Variants in MMS22L observed in about 807,000 individuals in gnomAD.
MMS22L encodes the protein MMS22 like, DNA repair protein.
Under a neutral mutation model 159.1 loss-of-function variants are expected in MMS22L, and 74 were observed. The ratio of observed to expected loss-of-function variants is 0.47; its 90% CI spans 0.39 to 0.56. The LOEUF (loss-of-function observed/expected upper bound fraction) is 0.56, where lower values mean the gene tolerates loss of function less well. MMS22L is among the 20% of genes least tolerant of loss of function. The probability of loss-of-function intolerance (pLI) is 0.00; values close to 1 mark genes in which losing one functional copy is unlikely to be tolerated. For synonymous variants in MMS22L, 517 were observed against 506.9 expected, an observed-to-expected ratio of 1.02 and a Z score of -0.27; for missense variants, 1,351 against 1,422.1, an observed-to-expected ratio of 0.95 and a Z score of 0.80.
At chr6:97,231,823 C>G (rs1163456589) in intron 12 of MMS22L, among the ~76,000 whole-genome samples, 171 bp from the exon 13 acceptor site, 1 of 152,158 alleles carries the variant, frequency 6.6e-6, no homozygotes, top group Non-Finnish European at 1.5e-5. Flanking sequence ...TACAGAGCAT[C>G]AAGAGGTGTC....
At chr6:97,184,594 CTCTT>C (rs1265955510) in intron 15 of MMS22L, among the ~76,000 whole-genome samples, 6 of 152,252 alleles carry the variant, frequency 3.9e-5, no homozygotes, top group Admixed American at 6.5e-5. Flanking sequence ...CTTAATTCCT[CTCTT>C]TATCTATTTG....
chr6:97,247,979 T>C (rs971008550), intron 10 of MMS22L, among the ~76,000 whole-genome samples: 18 of 152,350 alleles, frequency 1.2e-4, no homozygotes, highest in African/African-American at 4.3e-4. Flanking sequence ...ACAGTGAGTA[T>C]GGTAGTCAGC....
At chr6:97,149,008 A>G (rs756995025) in intron 24 of MMS22L, among the ~76,000 whole-genome samples, 1 of 152,200 alleles carries the variant, frequency 6.6e-6, no homozygotes, top group Non-Finnish European at 1.5e-5. Context: ...ATAAGTTACA[A>G]CTGTCTATAG....
At chr6:97,248,814 G>A (rs771438289) in intron 10 of MMS22L, among the ~76,000 whole-genome samples, 6 of 151,652 alleles carry the variant, frequency 4.0e-5, no homozygotes, top group Non-Finnish European at 7.4e-5. Context: ...AGCAGAGATC[G>A]TGCCATTGCA....
intron 4 of MMS22L, among the ~76,000 whole-genome samples, chr6:97,277,042 A>C (rs1816302973): frequency 6.6e-6 from 1 of 152,220 alleles, no homozygotes; most frequent in Non-Finnish European, 1.5e-5. Context: ...AGAAAACAAA[A>C]AATATAAAAC....
At position 97,256,308 on chromosome 6, in the gene MMS22L, A is replaced by G. The variant is rs1380769502; in HGVS notation, c.943-1575T>C. ...AGAACCTTAAAAGAGTAGCTCATTT[A>G]TGTCCTACTCACTTTAGATGGTACT... On this transcript the variant is annotated intron_variant, in intron 9 of 24. Coordinates refer to ENST00000683635, the MANE Select transcript of MMS22L (RefSeq NM_001350599.2). 2.0e-5 allele frequency among the ~76,000 whole-genome samples: 3 copies of G among 152,290 alleles called. No homozygotes were observed. The East Asian group carries it at 5.8e-4, about 29-fold the overall frequency.
At chr6:97,241,800 G>A (rs916748622) in intron 11 of MMS22L, among the ~76,000 whole-genome samples, 1 of 152,038 alleles carries the variant, frequency 6.6e-6, no homozygotes, top group African/African-American at 2.4e-5. Context: ...TTGATAGGTT[G>A]TGTCACTATT....
chr6:97,210,215 CT>C (rs1277111889), intron 14 of MMS22L, among the ~76,000 whole-genome samples: 3 of 151,616 alleles, frequency 2.0e-5, no homozygotes, highest in Non-Finnish European at 4.4e-5. Context: ...GTTCTTGCTC[CT>C]AAAATAAATG....
rs543673363 is a variant in MMS22L at position 97,252,259 on chromosome 6, C to T, written c.1119+2298G>A. On this transcript the variant is annotated intron_variant, in intron 10 of 24. Coordinates refer to ENST00000683635, the MANE Select transcript of MMS22L (RefSeq NM_001350599.2). ...TATCAACTAATATTAAAATATACTA[C>T]GCACTCAAAAAAGTGTTAATACAGT... 5.9e-5 allele frequency among the ~76,000 whole-genome samples: 9 copies of T among 152,140 alleles called. No homozygotes were observed. In the South Asian group the frequency reaches 1.0e-3, roughly 18 times the overall value.
intron 10 of MMS22L, among the ~76,000 whole-genome samples, chr6:97,253,177 C>A (rs755332537): frequency 4.6e-5 from 7 of 152,114 alleles, no homozygotes; most frequent in East Asian, 1.9e-4. Context: ...TCCTACAGGA[C>A]CTTTTATTAT....
intron 14 of MMS22L, among the ~76,000 whole-genome samples, chr6:97,216,549 C>A (rs1371351158): frequency 6.6e-6 from 1 of 152,104 alleles, no homozygotes; most frequent in Non-Finnish European, 1.5e-5. Flanking sequence ...GTGTTTTTAA[C>A]CTATTCCATA....
chr6:97,173,548 T>C (rs921063265), intron 18 of MMS22L, among the ~76,000 whole-genome samples: 1 of 152,118 alleles, frequency 6.6e-6, no homozygotes, highest in Non-Finnish European at 1.5e-5. Context: ...CTAAATCACA[T>C]CATGACTTCC....
chr6:97,205,268 G>A (rs1203046190), intron 14 of MMS22L, among the ~76,000 whole-genome samples: 1 of 151,710 alleles, frequency 6.6e-6, no homozygotes, highest in Admixed American at 6.6e-5. Flanking sequence ...TAAGAGACAG[G>A]GTTAAGCATT....
At chr6:97,257,257 T>C (rs1320264344) in intron 9 of MMS22L, among the ~76,000 whole-genome samples, 1 of 152,198 alleles carries the variant, frequency 6.6e-6, no homozygotes, top group Non-Finnish European at 1.5e-5. Flanking sequence ...TCTTTTGTTA[T>C]ATTATGCATA....
intron 15 of MMS22L, among the ~76,000 whole-genome samples, chr6:97,183,860 T>C (rs1409328976): frequency 6.6e-6 from 1 of 152,180 alleles, no homozygotes; most frequent in African/African-American, 2.4e-5. Context: ...CCTGTCAGCA[T>C]TTTAAATATA....
At chr6:97,256,123 A>G (rs1813780074) in intron 9 of MMS22L, among the ~76,000 whole-genome samples, 1 of 152,094 alleles carries the variant, frequency 6.6e-6, no homozygotes, top group Non-Finnish European at 1.5e-5. Context: ...TGTATCCATC[A>G]ACACCTCCTT....
Position 97,145,287 on chromosome 6 carries a change from T to C in MMS22L, c.*1519A>G, listed in dbSNP as rs1243958854. On this transcript the variant is annotated 3_prime_UTR_variant, in exon 25 of 25. Transcript: ENST00000683635. ...TGAGAGAAGGACCATTTATATGTTA[T>C]GAAAATAACAGACACTCCTTTGGAT... is the stretch of plus-strand genomic sequence containing the variant. 1.3e-5 allele frequency: 2 copies of C among 152,192 alleles called. No individual in the cohort carries two copies. The highest frequency in any genetic ancestry group is 6.5e-5 in the Admixed American group (1 of 15,278). The allele number at this position is 152,192 out of a possible 1,614,324, so 9.4% of individuals were successfully genotyped here.
intron 14 of MMS22L, among the ~76,000 whole-genome samples, chr6:97,218,103 T>C (rs1382846038): frequency 2.0e-5 from 3 of 152,062 alleles, no homozygotes; most frequent in African/African-American, 4.8e-5. Context: ...ACTAGTGAAT[T>C]AGAAAGATAA....
intron 15 of MMS22L, among the ~76,000 whole-genome samples, chr6:97,184,934 C>G (rs1430714391): frequency 3.3e-5 from 5 of 152,106 alleles, no homozygotes; most frequent in Non-Finnish European, 7.4e-5. Flanking sequence ...CTCTCCATTA[C>G]CTCTTGATCC....
Sources: gnomAD v4.1 joint callset for allele counts (sites outside exome capture counted in the v4.1 genomes callset) on GRCh38, gnomAD v4.1.1 for gene constraint, MANE v1.5 for transcripts, NCBI Gene and HGNC (gene_info 2026-07-23, HGNC 2026-07-21) for gene names.